Variants in NTNG1 observed in about 807,000 individuals in gnomAD.
NTNG1 encodes the protein netrin G1.
NTNG1 carries 16 observed loss-of-function variants against 54.0 expected under a neutral mutation model. That is an observed-to-expected ratio of 0.30 (90% CI 0.20 to 0.45). The LOEUF (loss-of-function observed/expected upper bound fraction) is 0.45. Ranked by LOEUF, NTNG1 falls within the 20% of genes least tolerant of loss-of-function variation. The probability of loss-of-function intolerance (pLI) is 1.00; values close to 1 mark genes in which losing one functional copy is unlikely to be tolerated. For missense variants in NTNG1, 530 were observed against 678.7 expected (o/e 0.78, Z 2.43); for synonymous variants, 255 against 263.1 (o/e 0.97, Z 0.30).
intron 5 of NTNG1, among the ~76,000 whole-genome samples, chr1:107,424,374 G>C (rs1247709171): frequency 1.3e-5 from 2 of 152,042 alleles, no homozygotes; most frequent in Non-Finnish European, 1.5e-5. Flanking sequence ...GGAGGACAGG[G>C]GCCAGGTCAC....
intron 5 of NTNG1, among the ~76,000 whole-genome samples, chr1:107,419,236 C>T (rs944555072): frequency 8.2e-6 from 1 of 122,396 alleles, no homozygotes; most frequent in Non-Finnish European, 1.9e-5. Flanking sequence ...CTACCTCCTC[C>T]CTCCTCTCTC....
intron 3 of NTNG1, among the ~76,000 whole-genome samples, chr1:107,394,441 C>G (rs963309189): frequency 1.3e-5 from 2 of 150,668 alleles, no homozygotes; most frequent in African/African-American, 4.9e-5. Flanking sequence ...TTTTTTTTCT[C>G]CTTTAGGATT....
intron 2 of NTNG1, among the ~76,000 whole-genome samples, chr1:107,241,112 T>C (rs1323511432): frequency 6.6e-6 from 1 of 152,186 alleles, no homozygotes; most frequent in Admixed American, 6.5e-5. Flanking sequence ...GAATTTCAGA[T>C]AAAATGCAGT....
At chr1:107,211,663 G>C (rs924006656) in intron 2 of NTNG1, among the ~76,000 whole-genome samples, 1 of 152,104 alleles carries the variant, frequency 6.6e-6, no homozygotes, top group East Asian at 1.9e-4. Context: ...AAAAAGGGAA[G>C]GGCAGCAACT....
intron 2 of NTNG1, among the ~76,000 whole-genome samples, chr1:107,231,435 G>A (rs1451355822): frequency 6.6e-6 from 1 of 152,114 alleles, no homozygotes; most frequent in Non-Finnish European, 1.5e-5. Flanking sequence ...TCAGATAAGA[G>A]ATTTATGCTA....
intron 3 of NTNG1, among the ~76,000 whole-genome samples, chr1:107,367,275 AT>A (rs997872773): frequency 4.0e-5 from 6 of 151,592 alleles, no homozygotes; most frequent in East Asian, 1.9e-4. Flanking sequence ...CCTGAAATTG[AT>A]TTTTTTTTAA....
At chr1:107,330,003 T>G (rs1668190153) in intron 3 of NTNG1, among the ~76,000 whole-genome samples, 1 of 152,102 alleles carries the variant, frequency 6.6e-6, no homozygotes, top group Admixed American at 6.6e-5. Context: ...TCTGGAAAGA[T>G]TAGTAAAACC....
intron 7 of NTNG1, 82 bp from the exon 8 acceptor site, chr1:107,480,529 C>A: frequency 3.6e-6 from 3 of 823,878 alleles, no homozygotes; most frequent in Non-Finnish European, 5.7e-6. Flanking sequence ...AGGCTGAAAA[C>A]ATGATGTACC....
chr1:107,392,197 T>C (rs938986588), intron 3 of NTNG1, among the ~76,000 whole-genome samples: 3 of 152,072 alleles, frequency 2.0e-5, no homozygotes, highest in African/African-American at 7.2e-5. Context: ...TGATTAGATA[T>C]TCTTCATGTG....
At chr1:107,181,118 C>T (rs1657027651) in intron 2 of NTNG1, among the ~76,000 whole-genome samples, 3 of 152,136 alleles carry the variant, frequency 2.0e-5, no homozygotes, top group Admixed American at 1.3e-4. Context: ...ACAAGATTAG[C>T]TGAGCACTCC....
chr1:107,218,453 C>T (rs1253148073), intron 2 of NTNG1, among the ~76,000 whole-genome samples: 10 of 152,096 alleles, frequency 6.6e-5, no homozygotes, highest in African/African-American at 1.9e-4. Flanking sequence ...TTACATTCAA[C>T]GTTAGTGTTG....
intron 2 of NTNG1, among the ~76,000 whole-genome samples, chr1:107,162,849 C>A (rs1307886766): frequency 6.6e-6 from 1 of 152,120 alleles, no homozygotes; most frequent in African/African-American, 2.4e-5. Flanking sequence ...AACTGGAAGT[C>A]TTTTTGCTTA....
chr1:107,239,636 A>G (rs913186020), intron 2 of NTNG1, among the ~76,000 whole-genome samples: 3 of 152,220 alleles, frequency 2.0e-5, no homozygotes, highest in Non-Finnish European at 2.9e-5. Flanking sequence ...TATTAAGTCT[A>G]TCAGACCCCT....
chr1:107,357,704 TA>T (rs1202042146), intron 3 of NTNG1, among the ~76,000 whole-genome samples: 6 of 150,202 alleles, frequency 4.0e-5, no homozygotes, highest in African/African-American at 1.2e-4. Flanking sequence ...AAATTGTAAA[TA>T]TTTTTTTTTC....
rs1317315259 is a variant in NTNG1, at chr1:107,481,120, G to A, written c.*280G>A. ...GAGCATATTGTGGATTGGAAAGGCT[G>A]CGACAGCCCCCCAAACAGGAAAGAC... On this transcript the variant is annotated 3_prime_UTR_variant, in exon 8 of 8. Coordinates refer to ENST00000370068, the MANE Select transcript of NTNG1 (RefSeq NM_001113226.3). 3 of 443,716 alleles carry A rather than the reference G, an allele frequency of 6.8e-6. No homozygotes were observed. The highest frequency in any genetic ancestry group is 5.9e-5 in the African/African-American group (3 of 51,198). 27.5% of individuals were successfully genotyped at this position (443,716 alleles called of 1,614,324 possible).
At chr1:107,426,862 G>C (rs770514420) in intron 5 of NTNG1, among the ~76,000 whole-genome samples, 7 of 151,966 alleles carry the variant, frequency 4.6e-5, no homozygotes, top group Non-Finnish European at 1.5e-5. Flanking sequence ...TCTCCTATCA[G>C]TGTTTTATAA....
intron 5 of NTNG1, among the ~76,000 whole-genome samples, chr1:107,414,265 A>G (rs545247076): frequency 2.2e-4 from 34 of 152,136 alleles, no homozygotes; most frequent in Non-Finnish European, 4.6e-4. Flanking sequence ...TCCAATTTTT[A>G]TAACCAAAAT....
At chr1:107,392,549 C>A (rs536137047) in intron 3 of NTNG1, among the ~76,000 whole-genome samples, 15 of 152,062 alleles carry the variant, frequency 9.9e-5, no homozygotes, top group African/African-American at 3.4e-4. Flanking sequence ...GGTCCAGAGT[C>A]CCAGCCCCTG....
At chr1:107,234,622 A>G (rs1377036275) in intron 2 of NTNG1, among the ~76,000 whole-genome samples, 1 of 152,056 alleles carries the variant, frequency 6.6e-6, no homozygotes, top group African/African-American at 2.4e-5. Context: ...GGTAAGTAAC[A>G]TGCCTAAGAT....
Sources: allele counts gnomAD v4.1 joint callset (sites outside exome capture counted in the v4.1 genomes callset), GRCh38; gene constraint gnomAD v4.1.1; transcripts MANE v1.5; gene names NCBI Gene and HGNC (gene_info 2026-07-23, HGNC 2026-07-21).